The following IL34 variants were observed in gnomAD, a reference collection of about 807,000 sequenced individuals.
The protein encoded by IL34 is interleukin-34.
A neutral mutation model predicts 25.3 loss-of-function variants in IL34; 17 were observed. The observed-to-expected ratio is 0.67, with a 90% CI of 0.46 to 1.01. The LOEUF (loss-of-function observed/expected upper bound fraction) is 1.01, where lower values mean the gene tolerates loss of function less well. Ranked by LOEUF, IL34 falls within the 50% of genes least tolerant of loss-of-function variation. The pLI is 0.00. For missense variants in IL34, 368 were observed against 312.9 expected (o/e 1.18, Z -1.33); for synonymous variants, 174 against 140.9 (o/e 1.23, Z -1.66).
Position 70,646,913 on chromosome 16 carries a change from G to A in IL34, c.-35G>A. 1 of 1,481,026 alleles carries A rather than the reference G, an allele frequency of 6.8e-7. No homozygotes were observed. The highest frequency in any genetic ancestry group is 8.9e-7 in the Non-Finnish European group (1 of 1,120,682). 91.7% of individuals were successfully genotyped at this position (1,481,026 alleles called of 1,614,324 possible). The stretch of plus-strand genomic sequence containing the variant: ...CTCTGTGGACACACTGCTGGGGACG[G>A]CGCCTGAGCTCTCAGGGGGACGAGG... On this transcript the variant is annotated 5_prime_UTR_variant, in exon 1 of 6. Coordinates refer to ENST00000288098, the MANE Select transcript of IL34 (RefSeq NM_001393494.1).
intron 1 of IL34, among the ~76,000 whole-genome samples, chr16:70,628,689 G>A (rs1341886161): frequency 6.6e-6 from 1 of 150,710 alleles, no homozygotes; most frequent in East Asian, 2.0e-4. Context: ...GTCTCACCAT[G>A]TTGACCAAGC....
At chr16:70,657,356 ACT>A (rs1421334143) in intron 4 of IL34, 6 of 534,380 alleles carry the variant, frequency 1.1e-5, no homozygotes, top group African/African-American at 3.8e-5. Flanking sequence ...TGCCTCTGAG[ACT>A]CTGTTCTAGG....
At chr16:70,626,063 A>G (rs1212489915) in intron 1 of IL34, among the ~76,000 whole-genome samples, 1 of 152,206 alleles carries the variant, frequency 6.6e-6, no homozygotes, top group Admixed American at 6.5e-5. Flanking sequence ...TGTGTGACCA[A>G]CATGGCTGTT....
At chr16:70,640,999 T>C (rs1377971129) in intron 1 of IL34, among the ~76,000 whole-genome samples, 1 of 152,038 alleles carries the variant, frequency 6.6e-6, no homozygotes, top group African/African-American at 2.4e-5. Context: ...TGCCTGGGCG[T>C]GGTGGCTCAC....
At chr16:70,657,919 A>G (rs552350056) in intron 4 of IL34, among the ~76,000 whole-genome samples, 198 of 152,342 alleles carry the variant, frequency 1.3e-3, no homozygotes, top group Middle Eastern at 6.8e-3. Context: ...TTAAAAAAAG[A>G]GGTCCCCCAT....
upstream of IL34, among the ~76,000 whole-genome samples, chr16:70,645,397 C>T (rs1460759480): frequency 1.3e-5 from 2 of 152,136 alleles, no homozygotes; most frequent in Non-Finnish European, 2.9e-5. Context: ...TGCTCTCCCC[C>T]GATGGTGTCA....
intron 1 of IL34, among the ~76,000 whole-genome samples, chr16:70,627,093 G>T (rs559056460): frequency 2.6e-5 from 4 of 152,222 alleles, no homozygotes; most frequent in African/African-American, 4.8e-5. Context: ...CTCCCAAAGT[G>T]CTGGGATTAC....
At chr16:70,657,289 T>C (rs1362072545) in intron 4 of IL34, 168 bp downstream of exon 4, 7 of 678,702 alleles carry the variant, frequency 1.0e-5, no homozygotes, top group Non-Finnish European at 2.4e-6. Context: ...AAAAGAGGCC[T>C]GTGGAAGGAA....
rs145525749 is a variant in IL34, at chr16:70,582,197, C to A, written c.-401+2148C>A. 3.3e-4 allele frequency among the ~76,000 whole-genome samples: 51 copies of A among 152,360 alleles called. No homozygotes were observed. The East Asian group carries it at 8.9e-3, about 26-fold the overall frequency. ...ATATTTTGACTAGGCCTCTGTCTGT[C>A]CCAAGGATGGCAGGTGGAGCATCAG... On this transcript the variant is annotated intron_variant, in intron 1 of 6. Transcript: ENST00000429149.
intron 1 of IL34, among the ~76,000 whole-genome samples, chr16:70,638,110 C>T (rs1169492867): frequency 1.3e-5 from 2 of 152,310 alleles, no homozygotes; most frequent in African/African-American, 2.4e-5. Context: ...GACCCATGCA[C>T]TCTGCCAGAA....
At chr16:70,644,793 GAGGGAGGAGGAATGAAAAGGAGGA>G (rs1248706698), upstream of IL34, among the ~76,000 whole-genome samples, 12 of 144,724 alleles carry the variant, frequency 8.3e-5, no homozygotes, top group East Asian at 8.0e-4. Flanking sequence ...GGAAAAGGAG[GAGGGAGGAGGAATGAAAAGGAGGA>G]AGGGAGGAGG....
At chr16:70,628,435 G>T (rs752586478) in intron 1 of IL34, among the ~76,000 whole-genome samples, 6 of 151,108 alleles carry the variant, frequency 4.0e-5, no homozygotes, top group Admixed American at 1.3e-4. Context: ...TATGTAAGTG[G>T]TCTCTTTTCT....
At chr16:70,654,297 G>C (rs2052156660) in intron 1 of IL34, 1 of 383,552 alleles carries the variant, frequency 2.6e-6, no homozygotes, top group East Asian at 4.2e-5. Flanking sequence ...CTCCTGGGGG[G>C]CTCCAGTGGC....
chr16:70,651,602 G>A (rs2052080313), intron 1 of IL34, among the ~76,000 whole-genome samples: 2 of 152,064 alleles, frequency 1.3e-5, no homozygotes, highest in African/African-American at 2.4e-5. Flanking sequence ...TTTGGAGAAG[G>A]CAGTGGGGAG....
At chr16:70,642,992 ATAAT>A (rs1162574536), upstream of IL34, among the ~76,000 whole-genome samples, 2 of 152,206 alleles carry the variant, frequency 1.3e-5, no homozygotes, top group Non-Finnish European at 2.9e-5. Context: ...CTGTAATTAA[ATAAT>A]GGTGACTGTT....
At chr16:70,612,446 A>G (rs1443945258) in intron 1 of IL34, among the ~76,000 whole-genome samples, 1 of 152,296 alleles carries the variant, frequency 6.6e-6, no homozygotes, top group African/African-American at 2.4e-5. Context: ...CTGTGCTCCC[A>G]GATGAAGCTC....
At chr16:70,589,219 A>G (rs897664819) in intron 1 of IL34, among the ~76,000 whole-genome samples, 22 of 151,986 alleles carry the variant, frequency 1.4e-4, no homozygotes, top group African/African-American at 5.1e-4. Flanking sequence ...TAATAATAAG[A>G]AAAGAAAAAA....
intron 1 of IL34, 102 bp downstream of exon 1, chr16:70,647,077 G>A (rs2051953664): frequency 1.4e-5 from 15 of 1,062,966 alleles, no homozygotes; most frequent in Non-Finnish European, 1.9e-5. Flanking sequence ...CTGGTGAGAA[G>A]TTGCGATGCT....
chr16:70,638,323 G>A (rs910472295), intron 1 of IL34, among the ~76,000 whole-genome samples: 3 of 151,994 alleles, frequency 2.0e-5, no homozygotes, highest in Non-Finnish European at 2.9e-5. Context: ...CAAAAGAACT[G>A]TAAAACTTAG....
Sources: gnomAD v4.1 joint callset for allele counts (sites outside exome capture counted in the v4.1 genomes callset) on GRCh38, gnomAD v4.1.1 for gene constraint, MANE v1.5 for transcripts, NCBI Gene and HGNC (gene_info 2026-07-23, HGNC 2026-07-21) for gene names.